Variants in MAP6 observed in about 807,000 individuals in gnomAD.
The protein encoded by MAP6 is microtubule associated protein 6.
MAP6 carries 26 observed loss-of-function variants against 42.4 expected under a neutral mutation model. The ratio of observed to expected loss-of-function variants is 0.61; its 90% confidence interval spans 0.45 to 0.85. The LOEUF (loss-of-function observed/expected upper bound fraction) is 0.85, where lower values mean the gene tolerates loss of function less well. Ranked by LOEUF, MAP6 falls within the 40% of genes least tolerant of loss-of-function variation. The pLI is 0.00. For synonymous variants in MAP6, 418 were observed against 443.8 expected (o/e 0.94, Z 0.73); for missense variants, 966 against 1,099.0 (o/e 0.88, Z 1.71).
At chr11:75,631,988 T>G (rs1298795096) in intron 1 of MAP6, among the ~76,000 whole-genome samples, 4 of 152,256 alleles carry the variant, frequency 2.6e-5, no homozygotes, top group Non-Finnish European at 5.9e-5. Context: ...CAGACATTCC[T>G]TACTTTAAAT....
chr11:75,612,462 G>A (rs925414546), intron 1 of MAP6, among the ~76,000 whole-genome samples: 4 of 152,208 alleles, frequency 2.6e-5, no homozygotes, highest in Non-Finnish European at 5.9e-5. Context: ...GAAGGGGAGT[G>A]AGGACTGGGG....
intron 3 of MAP6, chr11:75,603,054 A>C: frequency 1.0e-6 from 1 of 985,750 alleles, no homozygotes; most frequent in South Asian, 4.7e-5. Flanking sequence ...TGTGGTATGC[A>C]ACAAAACCCA....
chr11:75,642,348 C>T (rs1343226000), intron 1 of MAP6, among the ~76,000 whole-genome samples: 1 of 152,178 alleles, frequency 6.6e-6, no homozygotes, highest in Non-Finnish European at 1.5e-5. Context: ...GTTAATAATG[C>T]AGATTAGGCT....
In MAP6 at chr11:75,608,115, G is replaced by A. The variant is rs1314686467; in HGVS notation, c.1113C>T (p.Pro371=). The change falls in exon 2 of 4, where the codon CCC becomes CCT. Residue 371 remains proline (P), a synonymous_variant. Transcript: ENST00000304771. ...CCCACAAGGTCTGTCTCACCTTTGG[G>A]GGTTCCTTGAAGGGTTCGCTGTAGA... is the stretch of plus-strand genomic sequence containing the variant. ...RSLYSEPFKE[P]PKVEKPSVQS... 6.2e-7 allele frequency: 1 copy of A among 1,613,612 alleles called. No individual in the cohort carries two copies.
chr11:75,667,990 G>A lies in MAP6; in HGVS notation c.380C>T (p.Ala127Val). The change falls in exon 1 of 4, where the codon GCC becomes GTC. Residue 127 changes from alanine (A) to valine (V), a missense_variant. By Grantham distance (64) the Ala-to-Val change is moderately conservative (BLOSUM62 0). This residue lies in a region of MAP6 where 943 missense variants were observed against 1,049.9 expected (regional missense o/e 0.90). Transcript: ENST00000304771. The surrounding 1 kb of genome is among the most constrained non-coding windows in gnomAD (Gnocchi z 5.6). ...GGGCTCGGGCCGCTGCACCTTCCAGGCTCGGTAATCCTGCCGCATCACCGA... is the reference window on the plus strand; with the variant it reads ...GGGCTCGGGCCGCTGCACCTTCCAGACTCGGTAATCCTGCCGCATCACCGA... Reference protein sequence around the residue: ...ADSVMRQDYRAWKVQRPEPSC... With the variant: ...ADSVMRQDYRVWKVQRPEPSC... 1 of 1,262,190 alleles carries A rather than the reference G, an allele frequency of 7.9e-7. No homozygotes were observed. Among genetic ancestry groups the A allele is most frequent in the Admixed American group, 3.8e-5 (1 of 26,348 alleles). 78.2% of individuals were successfully genotyped at this position (1,262,190 alleles called of 1,614,324 possible).
intron 3 of MAP6, among the ~76,000 whole-genome samples, chr11:75,590,937 A>G (rs1035200029): frequency 3.3e-5 from 5 of 152,098 alleles, no homozygotes; most frequent in African/African-American, 1.2e-4. Context: ...ACTGCACTCT[A>G]ACCTGGGTGA....
At chr11:75,618,694 G>C (rs1369703662) in intron 1 of MAP6, among the ~76,000 whole-genome samples, 2 of 152,148 alleles carry the variant, frequency 1.3e-5, no homozygotes, top group Non-Finnish European at 2.9e-5. Flanking sequence ...ACACCACCGG[G>C]TACTGAGAGA....
intron 2 of MAP6, among the ~76,000 whole-genome samples, chr11:75,606,607 A>G (rs1590762792): frequency 6.6e-6 from 1 of 152,058 alleles, no homozygotes; most frequent in African/African-American, 2.4e-5. Flanking sequence ...TCGCTGCAGC[A>G]CCCGCTGGCT....
intron 1 of MAP6, among the ~76,000 whole-genome samples, chr11:75,631,721 G>A (rs1169158479): frequency 6.6e-6 from 1 of 152,186 alleles, no homozygotes; most frequent in Admixed American, 6.5e-5. Context: ...TATATCCTCG[G>A]GTGCTTTGAT....
rs746379172 is a variant in MAP6 at position 75,605,874 on chromosome 11, C to T, written c.1250G>A (p.Ser417Asn). The change falls in exon 3 of 4, where the codon AGT becomes AAT. Residue 417 changes from serine (S) to asparagine (N), a missense_variant. Ser to Asn is a conservative substitution (Grantham distance 46). This residue lies in a region of MAP6 where 943 missense variants were observed against 1,049.9 expected (regional missense o/e 0.90). Coordinates refer to ENST00000304771, the MANE Select transcript of MAP6 (RefSeq NM_033063.2). ...AAKKKSAEGP[S>N]TTKPDDKEQS... ...CTCCTTGTCGTCTGGCTTGGTGGTA[C>T]TCGGGCCCTCCGCGCTCTTTTTCTT... The T allele has an allele frequency of 6.2e-7, 1 of 1,614,126 alleles. No individual in the cohort carries two copies. Among genetic ancestry groups the T allele is most frequent in the South Asian group, 1.1e-5 (1 of 91,080 alleles).
chr11:75,637,218 C>T (rs1354011936), intron 1 of MAP6, among the ~76,000 whole-genome samples: 3 of 152,164 alleles, frequency 2.0e-5, no homozygotes, highest in Non-Finnish European at 4.4e-5. Context: ...AAGCTGCTGC[C>T]AAACTGATGT....
chr11:75,647,126 A>T (rs1943566093), intron 1 of MAP6, among the ~76,000 whole-genome samples: 3 of 151,824 alleles, frequency 2.0e-5, no homozygotes, highest in South Asian at 2.1e-4. Flanking sequence ...GATTACAGGC[A>T]TGTACCACCA....
chr11:75,652,548 G>A (rs1943665633), intron 1 of MAP6, among the ~76,000 whole-genome samples: 1 of 152,094 alleles, frequency 6.6e-6, no homozygotes, highest in Admixed American at 6.6e-5. Context: ...AAAAGCATGT[G>A]ACATCTGGGC....
At chr11:75,623,189 A>C (rs565819206) in intron 1 of MAP6, among the ~76,000 whole-genome samples, 6 of 152,232 alleles carry the variant, frequency 3.9e-5, no homozygotes, top group Non-Finnish European at 8.8e-5. Context: ...AATATGGATG[A>C]CTCTTAAAAA....
intron 1 of MAP6, among the ~76,000 whole-genome samples, chr11:75,645,038 A>C (rs1440220493): frequency 6.6e-6 from 1 of 152,204 alleles, no homozygotes; most frequent in Non-Finnish European, 1.5e-5. Flanking sequence ...GATTCCATAC[A>C]GGAACAACAC....
Position 75,587,001 on chromosome 11 carries a change from C to G in MAP6, c.*58G>C. ...AGATTAAATATGTGTCTTCACTGCCCCTGGGAGGGGAGCACTCTCACTGTC... is the reference window on the plus strand; with the variant it reads ...AGATTAAATATGTGTCTTCACTGCCGCTGGGAGGGGAGCACTCTCACTGTC... On this transcript the variant is annotated 3_prime_UTR_variant, in exon 4 of 4. Transcript: ENST00000304771. 6.7e-7 allele frequency: 1 copy of G among 1,485,868 alleles called. No individual in the cohort carries two copies. Among genetic ancestry groups the G allele is most frequent in the African/African-American group, 1.4e-5 (1 of 71,128 alleles). 92.0% of individuals were successfully genotyped at this position (1,485,868 alleles called of 1,614,324 possible).
At chr11:75,620,990 G>A (rs1209241423) in intron 1 of MAP6, among the ~76,000 whole-genome samples, 16 of 152,082 alleles carry the variant, frequency 1.1e-4, no homozygotes, top group Non-Finnish European at 4.4e-5. Context: ...AATTAGCCGG[G>A]CGTGGTGGTG....
At chr11:75,598,004 A>T (rs1333623436) in intron 3 of MAP6, among the ~76,000 whole-genome samples, 1 of 152,156 alleles carries the variant, frequency 6.6e-6, no homozygotes, top group African/African-American at 2.4e-5. Flanking sequence ...TTTGCAGAGG[A>T]CTTTTGCATG....
intron 1 of MAP6, among the ~76,000 whole-genome samples, chr11:75,635,170 T>G (rs2135642097): frequency 1.3e-5 from 2 of 152,324 alleles, no homozygotes. Flanking sequence ...CTGCTCTTCT[T>G]GGAGGCAGCC....
Sources: gnomAD v4.1 joint callset for allele counts (sites outside exome capture counted in the v4.1 genomes callset) on GRCh38, gnomAD v4.1.1 for gene constraint, gnomAD v4.1.1 regional missense constraint, Gnocchi (gnomAD v3.1) non-coding constraint, MANE v1.5 for transcripts, NCBI Gene and HGNC (gene_info 2026-07-23, HGNC 2026-07-21) for gene names.